PI4KA: variants seen among roughly 807,000 people sequenced by gnomAD.
The protein encoded by PI4KA is PI4-kinase alpha.
Under a neutral mutation model 271.4 loss-of-function variants are expected in PI4KA, and 122 were observed. The ratio of observed to expected loss-of-function variants is 0.45; its 90% CI spans 0.39 to 0.52. The LOEUF (loss-of-function observed/expected upper bound fraction) is 0.52. PI4KA is among the 20% of genes least tolerant of loss of function. The pLI, the probability that PI4KA is intolerant of heterozygous loss-of-function variation, is 0.00. For missense variants in PI4KA, 1,969 were observed against 2,769.1 expected, an observed-to-expected ratio of 0.71 and a Z score of 6.48; for synonymous variants, 1,041 against 1,078.8, an observed-to-expected ratio of 0.96 and a Z score of 0.69.
Position 20,714,690 on chromosome 22 carries a change from C to A in PI4KA, c.5328G>T (p.Leu1776=). ...SEVKVQPGCY[L]PSNPEAIVLD... ...GCACAATGGCCTCAGGGTTGCTGGG[C>A]AGGTAGCAGCCTGTGCAGGGACAGA... The change falls in exon 46 of 55, where the codon CTG becomes CTT. Residue 1776 remains leucine, a synonymous_variant. Coordinates refer to ENST00000255882, the MANE Select transcript of PI4KA (RefSeq NM_058004.4). 6.2e-7 allele frequency: 1 copy of A among 1,613,874 alleles called. No individual in the cohort carries two copies. Among genetic ancestry groups the A allele is most frequent in the Non-Finnish European group, 8.5e-7 (1 of 1,179,828 alleles).
chr22:20,737,573 G>A (rs1373491334), intron 32 of PI4KA, among the ~76,000 whole-genome samples: 1 of 152,070 alleles, frequency 6.6e-6, no homozygotes, highest in Non-Finnish European at 1.5e-5. Context: ...GGGCTGACAC[G>A]TGGTCAGGAG....
intron 23 of PI4KA, among the ~76,000 whole-genome samples, chr22:20,753,993 G>A (rs1393980984): frequency 2.0e-5 from 3 of 151,394 alleles, no homozygotes; most frequent in Non-Finnish European, 4.4e-5. Flanking sequence ...GCCTGGATGT[G>A]CTCTTTCTGC....
intron 8 of PI4KA, among the ~76,000 whole-genome samples, chr22:20,812,043 A>G (rs1004190766): frequency 4.0e-5 from 6 of 151,544 alleles, no homozygotes; most frequent in Non-Finnish European, 8.8e-5. Flanking sequence ...GAAAACCTAA[A>G]CTTGAAGAAA....
intron 36 of PI4KA, among the ~76,000 whole-genome samples, chr22:20,732,569 T>C (rs4820584): frequency 0.31 from 47,053 of 152,150 alleles, 7,600 homozygotes; most frequent in East Asian, 0.44. Flanking sequence ...AGTGCTCCCA[T>C]AGTTCCCTCA....
intron 5 of PI4KA, among the ~76,000 whole-genome samples, 194 bp downstream of exon 5, chr22:20,820,345 C>T (rs368616384): frequency 2.0e-5 from 3 of 152,226 alleles, no homozygotes; most frequent in Admixed American, 6.5e-5. Context: ...GGTGACCCAG[C>T]GTCTATGTAG....
At chr22:20,774,393 C>T (rs1933076729) in intron 19 of PI4KA, among the ~76,000 whole-genome samples, 1 of 152,220 alleles carries the variant, frequency 6.6e-6, no homozygotes, top group Non-Finnish European at 1.5e-5. Flanking sequence ...TTAAATTAAT[C>T]GAATTGGATA....
intron 18 of PI4KA, among the ~76,000 whole-genome samples, chr22:20,794,425 C>T (rs969341852): frequency 2.0e-5 from 3 of 152,186 alleles, no homozygotes; most frequent in Admixed American, 6.5e-5. Flanking sequence ...CCGCTAGACA[C>T]GCGGGACACA....
At chr22:20,784,881 C>T (rs1934088699) in intron 19 of PI4KA, among the ~76,000 whole-genome samples, 1 of 152,060 alleles carries the variant, frequency 6.6e-6, no homozygotes, top group Non-Finnish European at 1.5e-5. Context: ...CTGGTTTGAA[C>T]CTCCTTATAG....
At chr22:20,817,652 T>C (rs1433886982) in intron 7 of PI4KA, among the ~76,000 whole-genome samples, 1 of 134,074 alleles carries the variant, frequency 7.5e-6, no homozygotes, top group East Asian at 2.3e-4. Flanking sequence ...GAGGATCACT[T>C]GAGCCCAGAA....
intron 1 of PI4KA, among the ~76,000 whole-genome samples, chr22:20,847,996 GA>G (rs1926479186): frequency 6.6e-6 from 1 of 152,136 alleles, no homozygotes; most frequent in African/African-American, 2.4e-5. Flanking sequence ...CCAGAACTTT[GA>G]GGGGCCAGGG....
intron 2 of PI4KA, among the ~76,000 whole-genome samples, chr22:20,835,292 T>C (rs958407642): frequency 6.6e-6 from 1 of 152,218 alleles, no homozygotes; most frequent in Non-Finnish European, 1.5e-5. Flanking sequence ...CTTCCATCAT[T>C]GGCTTTTGGA....
At chr22:20,823,075 G>A (rs779259429) in intron 4 of PI4KA, among the ~76,000 whole-genome samples, 14 of 151,920 alleles carry the variant, frequency 9.2e-5, no homozygotes, top group Non-Finnish European at 1.3e-4. Flanking sequence ...CACCACGCCC[G>A]GCTAATTTTT....
intron 3 of PI4KA, among the ~76,000 whole-genome samples, chr22:20,834,166 G>A: frequency 6.6e-6 from 1 of 151,982 alleles, no homozygotes; most frequent in African/African-American, 2.4e-5. Flanking sequence ...CACCCTTTTT[G>A]AGCAGCAGCA....
intron 41 of PI4KA, 61 bp downstream of exon 41, chr22:20,727,168 AC>A: frequency 6.7e-7 from 1 of 1,487,400 alleles, no homozygotes; most frequent in Admixed American, 2.3e-5. Context: ...TGTGCCTCTC[AC>A]CAGGTAAGAC....
intron 32 of PI4KA, among the ~76,000 whole-genome samples, chr22:20,737,960 G>A (rs1437668315): frequency 2.0e-5 from 3 of 152,146 alleles, no homozygotes; most frequent in Non-Finnish European, 2.9e-5. Context: ...GGCCCACCGA[G>A]GTCTGAGGCT....
At chr22:20,857,176 A>C (rs1197828644) in intron 1 of PI4KA, among the ~76,000 whole-genome samples, 1 of 152,220 alleles carries the variant, frequency 6.6e-6, no homozygotes, top group Non-Finnish European at 1.5e-5. Context: ...AGAAGATAGC[A>C]AAGTATCAGA....
Position 20,761,399 on chromosome 22 carries a change from C to G in PI4KA, c.2709-13G>C, listed in dbSNP as rs1217058994. ...TGAACGCAGTACCCTAAGAAGAAAACAGCTTTAAATAAATTTTGAAAAATC... is the reference window on the plus strand; with the variant it reads ...TGAACGCAGTACCCTAAGAAGAAAAGAGCTTTAAATAAATTTTGAAAAATC... On this transcript the variant is annotated splice_polypyrimidine_tract_variant and intron_variant, in intron 22 of 54. Coordinates refer to ENST00000255882, the MANE Select transcript of PI4KA (RefSeq NM_058004.4). The G allele has an allele frequency of 1.1e-5, 18 of 1,585,234 alleles. No homozygotes were observed. Among genetic ancestry groups the G allele is most frequent in the Admixed American group, 1.7e-5 (1 of 59,914 alleles).
In PI4KA at chr22:20,812,587, CT is replaced by C. The variant is rs1195582712; in HGVS notation, c.1005+770del. Among the ~76,000 whole-genome samples the C allele has an allele frequency of 3.3e-5, 5 of 152,296 alleles. No individual in the cohort carries two copies. The East Asian group carries it at 9.6e-4, about 29-fold the overall frequency. On this transcript the variant is annotated intron_variant, in intron 8 of 54. Coordinates refer to ENST00000255882, the MANE Select transcript of PI4KA (RefSeq NM_058004.4). ...TAATTTTTTTTGAGATGGAGTCTCACTCTGTTGCCCAGGCTGGAGTGCAGTG... is the reference window on the plus strand; with the variant it reads ...TAATTTTTTTTGAGATGGAGTCTCACCTGTTGCCCAGGCTGGAGTGCAGTG...
Position 20,734,085 on chromosome 22 carries a change from C to T in PI4KA, c.4010G>A (p.Gly1337Glu), listed in dbSNP as rs1455367159. The stretch of plus-strand genomic sequence containing the variant: ...GGCCGCCACGTGCCGGTTCATGCTC[C>T]CCTTGGCCCCGCCGATGTTCAGGGA... ...SMSLNIGGAK[G>E]SMNRHVAAIG... Residue 1337 changes from glycine to glutamate, a missense_variant, in exon 34 of 55, where the codon GGG becomes GAG. Physicochemically the swap from Gly to Glu is moderately conservative, Grantham distance 98. Coordinates refer to ENST00000255882, the MANE Select transcript of PI4KA (RefSeq NM_058004.4). The T allele has an allele frequency of 2.5e-6, 4 of 1,607,388 alleles. No individual in the cohort carries two copies. The highest frequency in any genetic ancestry group is 1.1e-5 in the South Asian group (1 of 90,228).
Sources: gnomAD v4.1 joint callset for allele counts (sites outside exome capture counted in the v4.1 genomes callset) on GRCh38, gnomAD v4.1.1 for gene constraint, MANE v1.5 for transcripts, NCBI Gene and HGNC (gene_info 2026-07-23, HGNC 2026-07-21) for gene names.